LMNTD1: variants seen among roughly 807,000 people sequenced by gnomAD.
LMNTD1 encodes lamin tail domain-containing protein 1.
In LMNTD1, 35 loss-of-function variants were observed where a neutral mutation model predicts 50.9. That is an observed-to-expected ratio of 0.69 (90% CI 0.53 to 0.91). LMNTD1 has a LOEUF of 0.91. Among genes scored for constraint, LMNTD1 ranks in the 40% least tolerant of loss-of-function variants. The pLI, the probability that LMNTD1 is intolerant of heterozygous loss-of-function variation, is 0.00. For missense variants in LMNTD1, 470 were observed against 475.5 expected, an observed-to-expected ratio of 0.99 and a Z score of 0.11; for synonymous variants, 153 against 161.9, an observed-to-expected ratio of 0.94 and a Z score of 0.42.
chr12:25,533,143 C>G (rs192841653), intron 4 of LMNTD1, among the ~76,000 whole-genome samples: 1 of 152,112 alleles, frequency 6.6e-6, no homozygotes, highest in Admixed American at 6.5e-5. Context: ...TATCAGAGCA[C>G]TTTATTTGCC....
intron 9 of LMNTD1, among the ~76,000 whole-genome samples, chr12:25,481,540 T>G (rs1938444939): frequency 6.6e-6 from 1 of 152,002 alleles, no homozygotes; most frequent in African/African-American, 2.4e-5. Context: ...TTAAAGACAC[T>G]TCCAGATTTC....
At chr12:25,515,014 T>G (rs1940648298) in intron 8 of LMNTD1, among the ~76,000 whole-genome samples, 1 of 152,076 alleles carries the variant, frequency 6.6e-6, no homozygotes, top group African/African-American at 2.4e-5. Context: ...CTAATAAAGT[T>G]GAAGATACAG....
chr12:25,587,347 G>A (rs1187822359), intron 1 of LMNTD1, among the ~76,000 whole-genome samples: 2 of 152,224 alleles, frequency 1.3e-5, no homozygotes, highest in Admixed American at 6.5e-5. Flanking sequence ...AAGCTGTGCA[G>A]GAAGCATGGT....
chr12:25,637,499 C>G (rs915159489), intron 1 of LMNTD1, among the ~76,000 whole-genome samples: 1 of 151,908 alleles, frequency 6.6e-6, no homozygotes, highest in Admixed American at 6.6e-5. Context: ...AGAACTTTAA[C>G]GATAGATTTA....
At chr12:25,647,596 G>C (rs538132600) in intron 1 of LMNTD1, among the ~76,000 whole-genome samples, 1 of 152,302 alleles carries the variant, frequency 6.6e-6, no homozygotes, top group East Asian at 1.9e-4. Context: ...AAAATGTATA[G>C]TTAAATCTGT....
At chr12:25,482,191 T>A (rs1329914985) in intron 9 of LMNTD1, among the ~76,000 whole-genome samples, 1 of 152,034 alleles carries the variant, frequency 6.6e-6, no homozygotes, top group African/African-American at 2.4e-5. Flanking sequence ...TTGAAAGTTA[T>A]GAGGTAAAGT....
intron 1 of LMNTD1, among the ~76,000 whole-genome samples, chr12:25,633,080 A>C (rs138975093): frequency 1.6e-4 from 24 of 152,246 alleles, no homozygotes; most frequent in Admixed American, 2.6e-4. Context: ...AGAGACAAAG[A>C]GGGACATCAT....
At chr12:25,606,345 C>T (rs1223446142) in intron 1 of LMNTD1, among the ~76,000 whole-genome samples, 1 of 152,194 alleles carries the variant, frequency 6.6e-6, no homozygotes, top group African/African-American at 2.4e-5. Context: ...TGCCTGATTG[C>T]CCTGGCCAGA....
chr12:25,514,536 G>A (rs1265221258), intron 8 of LMNTD1, among the ~76,000 whole-genome samples: 1 of 143,154 alleles, frequency 7.0e-6, no homozygotes, highest in Non-Finnish European at 1.5e-5. Flanking sequence ...GCAGGGCAGG[G>A]AGGTAAGGAT....
At chr12:25,507,141 G>T (rs1025135645) in intron 8 of LMNTD1, among the ~76,000 whole-genome samples, 1 of 152,128 alleles carries the variant, frequency 6.6e-6, no homozygotes, top group African/African-American at 2.4e-5. Flanking sequence ...CTCCCAAAGT[G>T]CTGGGATTAC....
chr12:25,631,447 G>T (rs1282244982), intron 1 of LMNTD1, among the ~76,000 whole-genome samples: 1 of 152,196 alleles, frequency 6.6e-6, no homozygotes, highest in African/African-American at 2.4e-5. Context: ...ACAGCTGAGA[G>T]ACCCATAGAC....
chr12:25,604,771 A>T (rs1192192976), intron 1 of LMNTD1, among the ~76,000 whole-genome samples: 1 of 152,156 alleles, frequency 6.6e-6, no homozygotes, highest in African/African-American at 2.4e-5. Context: ...GGTTGGTTCC[A>T]AGTCTTTGCT....
At chr12:25,484,608 C>T (rs954913514) in intron 9 of LMNTD1, among the ~76,000 whole-genome samples, 1 of 149,702 alleles carries the variant, frequency 6.7e-6, no homozygotes, top group Non-Finnish European at 1.5e-5. Context: ...CACCCACTAA[C>T]TCATCATCTA....
intron 1 of LMNTD1, among the ~76,000 whole-genome samples, chr12:25,634,815 G>A (rs1375428975): frequency 6.6e-6 from 1 of 152,102 alleles, no homozygotes; most frequent in Non-Finnish European, 1.5e-5. Context: ...TGAGCAATCA[G>A]ACAAGAGAAA....
chr12:25,492,424 G>T (rs1938917443), intron 9 of LMNTD1, among the ~76,000 whole-genome samples: 1 of 152,070 alleles, frequency 6.6e-6, no homozygotes. Flanking sequence ...GATTGATATT[G>T]GCTTAACACT....
chr12:25,482,771 T>C (rs958718858), intron 9 of LMNTD1, among the ~76,000 whole-genome samples: 1 of 151,992 alleles, frequency 6.6e-6, no homozygotes, highest in Non-Finnish European at 1.5e-5. Context: ...GTTTATGTCC[T>C]GCCTCTCACT....
intron 9 of LMNTD1, among the ~76,000 whole-genome samples, chr12:25,494,132 C>T (rs1378900523): frequency 6.6e-6 from 1 of 152,176 alleles, no homozygotes; most frequent in Non-Finnish European, 1.5e-5. Flanking sequence ...TAGTTATGCT[C>T]CTGTGACTAC....
intron 1 of LMNTD1, among the ~76,000 whole-genome samples, chr12:25,633,932 A>C (rs894484972): frequency 3.9e-5 from 6 of 152,244 alleles, no homozygotes; most frequent in Admixed American, 6.5e-5. Context: ...ATAGACCATT[A>C]GCAAGATTAA....
At chr12:25,526,436 T>C (rs1479499) in intron 5 of LMNTD1, among the ~76,000 whole-genome samples, 117,666 of 152,086 alleles carry the variant, frequency 0.77, 46,336 homozygotes, top group East Asian at 0.9. Flanking sequence ...GAGCTAATTA[T>C]CTGTTCTCTA....
Sources: gnomAD v4.1 joint callset for allele counts (sites outside exome capture counted in the v4.1 genomes callset) on GRCh38, gnomAD v4.1.1 for gene constraint, MANE v1.5 for transcripts, NCBI Gene and HGNC (gene_info 2026-07-23, HGNC 2026-07-21) for gene names.